The following CALN1 variants were observed in gnomAD, a reference collection of about 807,000 sequenced individuals.
CALN1 encodes the protein calneuron 1.
CALN1 carries 17 observed loss-of-function variants against 30.6 expected under a neutral mutation model. That is an observed-to-expected ratio of 0.56 (90% CI 0.38 to 0.83). The LOEUF (loss-of-function observed/expected upper bound fraction) is 0.83, where lower values mean the gene tolerates loss of function less well. Among genes scored for constraint, CALN1 ranks in the 40% least tolerant of loss-of-function variants. The probability of loss-of-function intolerance (pLI) is 0.00; values close to 1 mark genes in which losing one functional copy is unlikely to be tolerated. For synonymous variants in CALN1, 156 were observed against 131.4 expected (o/e 1.19, Z -1.28); for missense variants, 291 against 354.9 (o/e 0.82, Z 1.45).
intron 5 of CALN1, among the ~76,000 whole-genome samples, chr7:71,841,248 C>T (rs550898718): frequency 9.8e-5 from 15 of 152,302 alleles, no homozygotes; most frequent in Admixed American, 3.9e-4. Flanking sequence ...ACTCTCACTC[C>T]GGGAAGGCAG....
chr7:72,402,297 G>A (rs981391244), intron 2 of CALN1, among the ~76,000 whole-genome samples: 9 of 152,190 alleles, frequency 5.9e-5, no homozygotes, highest in African/African-American at 1.9e-4. Flanking sequence ...CCACAGCCTA[G>A]CTCCCTGCTC....
At chr7:71,869,148 A>G (rs1791772017) in intron 5 of CALN1, among the ~76,000 whole-genome samples, 1 of 152,096 alleles carries the variant, frequency 6.6e-6, no homozygotes, top group Admixed American at 6.5e-5. Context: ...GGGTCTATAT[A>G]TACAGCTGCT....
intron 6 of CALN1, among the ~76,000 whole-genome samples, chr7:71,794,131 G>A (rs1000145867): frequency 6.6e-6 from 1 of 152,056 alleles, no homozygotes; most frequent in Admixed American, 6.6e-5. Flanking sequence ...TGCGTGAGGA[G>A]CCTGAATTCC....
chr7:72,470,057 C>T, the CALN1 span, among the ~76,000 whole-genome samples: 4 of 152,112 alleles, frequency 2.6e-5, no homozygotes, highest in Non-Finnish European at 5.9e-5. Context: ...AACATAGGCA[C>T]GTATGAGACA....
intron 5 of CALN1, among the ~76,000 whole-genome samples, chr7:71,897,215 C>T (rs6946044): frequency 6.6e-6 from 1 of 151,978 alleles, no homozygotes; most frequent in Admixed American, 6.5e-5. Flanking sequence ...CTGTAAGATT[C>T]GCATTTAATT....
intron 1 of CALN1, among the ~76,000 whole-genome samples, chr7:72,440,334 T>C (rs1447723466): frequency 6.6e-6 from 1 of 152,196 alleles, no homozygotes; most frequent in Admixed American, 6.5e-5. Context: ...AATCCCCATT[T>C]TCTGTTTTCT....
chr7:72,338,525 G>GTGTGTGTGTGTGTGTCTCTGTC, intron 2 of CALN1, among the ~76,000 whole-genome samples: 1 of 122,292 alleles, frequency 8.2e-6, no homozygotes, highest in African/African-American at 3.1e-5. Context: ...GTGTGTGTGT[G>GTGTGTGTGTGTGTGTCTCTGTC]TGTCTCACCT....
chr7:72,412,049 T>G lies in CALN1; in HGVS notation c.-74+9A>C, dbSNP rs897190045. On this transcript the variant is annotated intron_variant, in intron 1 of 6. Transcript: ENST00000395275. ...TGAGCCCACCATGCTCTTTAGTTTC[T>G]GTGCCCACCTGTGTGCGGAATTTAT... 2 of 152,254 alleles carry G rather than the reference T, an allele frequency of 1.3e-5. No homozygotes were observed. The highest frequency in any genetic ancestry group is 2.9e-5 in the Non-Finnish European group (2 of 68,052). The allele number at this position is 152,254 out of a possible 1,614,324, so 9.4% of individuals were successfully genotyped here.
intron 4 of CALN1, among the ~76,000 whole-genome samples, chr7:72,057,518 AAAG>A (rs1803344978): frequency 6.6e-6 from 1 of 151,778 alleles, no homozygotes; most frequent in Non-Finnish European, 1.5e-5. Context: ...GAGAAATGGA[AAAG>A]AATAAGGAAT....
chr7:71,908,721 C>T (rs975622109), intron 5 of CALN1, among the ~76,000 whole-genome samples: 2 of 152,184 alleles, frequency 1.3e-5, no homozygotes, highest in African/African-American at 2.4e-5. Context: ...CTGAAGTGTC[C>T]TCCTTATTGT....
chr7:71,779,885 C>T lies in CALN1; in HGVS notation c.*7890G>A, dbSNP rs1345358812. 3 of 152,166 alleles carry T rather than the reference C, an allele frequency of 2.0e-5. No individual in the cohort carries two copies. The highest frequency in any genetic ancestry group is 4.1e-4 in the South Asian group (2 of 4,826). The allele number at this position is 152,166 out of a possible 1,614,324, so 9.4% of individuals were successfully genotyped here. A position where few individuals can be genotyped will look rare whatever the true frequency, so the allele number is the denominator to read the frequency against. The stretch of plus-strand genomic sequence containing the variant: ...GATATGAGAGCTGCCAAGCTCCAAT[C>T]GTCCTGGCCATGATCAATCCCCAGC... On this transcript the variant is annotated 3_prime_UTR_variant, in exon 7 of 7. Coordinates refer to ENST00000395275, the MANE Select transcript of CALN1 (RefSeq NM_031468.4).
intron 3 of CALN1, among the ~76,000 whole-genome samples, chr7:72,249,450 C>T (rs1000512295): frequency 6.6e-6 from 1 of 152,076 alleles, no homozygotes; most frequent in African/African-American, 2.4e-5. Flanking sequence ...GGAGGCAGGA[C>T]TAGCCCAGGC....
chr7:72,404,417 CA>C (rs1806560247), intron 1 of CALN1, among the ~76,000 whole-genome samples: 1 of 152,068 alleles, frequency 6.6e-6, no homozygotes, highest in Non-Finnish European at 1.5e-5. Flanking sequence ...TAAAAACAAA[CA>C]ATAATAAAGA....
At chr7:72,100,589 C>G (rs1365581985) in intron 4 of CALN1, among the ~76,000 whole-genome samples, 1 of 152,004 alleles carries the variant, frequency 6.6e-6, no homozygotes, top group East Asian at 1.9e-4. Context: ...GAGGCCGAGA[C>G]AGGCAGATCA....
At chr7:72,317,669 C>A (rs1438547084) in intron 2 of CALN1, among the ~76,000 whole-genome samples, 2 of 152,064 alleles carry the variant, frequency 1.3e-5, no homozygotes, top group African/African-American at 4.8e-5. Flanking sequence ...GAAGTCCCCC[C>A]CAGACTCAGA....
intron 3 of CALN1, among the ~76,000 whole-genome samples, chr7:72,276,272 T>G (rs1444811033): frequency 6.6e-6 from 1 of 152,180 alleles, no homozygotes; most frequent in Non-Finnish European, 1.5e-5. Context: ...CCCACATTAA[T>G]GTACCACCTG....
chr7:72,297,515 T>C (rs906138056), intron 2 of CALN1, among the ~76,000 whole-genome samples: 9 of 152,184 alleles, frequency 5.9e-5, no homozygotes, highest in African/African-American at 2.2e-4. Flanking sequence ...GTTAAATGAA[T>C]AACTTTGCAC....
chr7:72,145,002 G>A (rs1038339879), intron 3 of CALN1, among the ~76,000 whole-genome samples: 8 of 152,000 alleles, frequency 5.3e-5, no homozygotes, highest in African/African-American at 1.9e-4. Flanking sequence ...AGCACTAAAT[G>A]CCCACAAGAG....
rs910220749 is a variant in CALN1 at position 72,271,870 on chromosome 7, T to C, written c.244+6816A>G. Among the ~76,000 whole-genome samples the C allele has an allele frequency of 2.0e-5, 3 of 151,798 alleles. 1 individual carries two copies. The highest frequency in any genetic ancestry group is 2.0e-4 in the Admixed American group (3 of 15,224). Reference sequence around the variant, plus strand: ...TGAGGTCAGGAATTCAAGACTAGCCTGGCCAACATGGTGAAACCCCATTTC... The same window carrying C: ...TGAGGTCAGGAATTCAAGACTAGCCCGGCCAACATGGTGAAACCCCATTTC... On this transcript the variant is annotated intron_variant, in intron 3 of 6. Transcript: ENST00000395275.
Sources: allele counts gnomAD v4.1 joint callset (sites outside exome capture counted in the v4.1 genomes callset), GRCh38; gene constraint gnomAD v4.1.1; transcripts MANE v1.5; gene names NCBI Gene and HGNC (gene_info 2026-07-23, HGNC 2026-07-21).